Variants in GLT8D1 observed in about 807,000 individuals in gnomAD.
GLT8D1 encodes glycosyltransferase 8 domain containing 1, also known as glycosyltransferase 8 domain-containing protein 1.
Under a neutral mutation model 46.2 loss-of-function variants are expected in GLT8D1, and 41 were observed. The observed-to-expected ratio is 0.89, with a 90% CI of 0.69 to 1.15. The LOEUF (loss-of-function observed/expected upper bound fraction) is 1.15. Among genes scored for constraint, GLT8D1 ranks in the 50% most tolerant of loss-of-function variants. The probability of loss-of-function intolerance (pLI) is 0.00; values close to 1 mark genes in which losing one functional copy is unlikely to be tolerated. For missense variants in GLT8D1, 408 were observed against 449.3 expected (o/e 0.91, Z 0.83); for synonymous variants, 150 against 154.2 (o/e 0.97, Z 0.20).
chr3:52,695,076 T>A, intron 9 of GLT8D1, 41 bp from the exon 10 acceptor site: 1 of 1,519,248 alleles, frequency 6.6e-7, no homozygotes, highest in Non-Finnish European at 9.1e-7. Context: ...TTGCGCCATG[T>A]GAAATTGTGC....
rs752960481 is a variant in GLT8D1, at chr3:52,697,832, G to C, written c.218C>G (p.Ser73Cys). The C allele has an allele frequency of 3.1e-6, 5 of 1,613,342 alleles. No homozygotes were observed. Among genetic ancestry groups the C allele is most frequent in the Non-Finnish European group, 3.4e-6 (4 of 1,179,246 alleles). The change falls in exon 4 of 10, where the codon TCT becomes TGT. Residue 73 changes from serine to cysteine, a missense_variant. Ser to Cys is a moderately radical substitution (Grantham distance 112). Coordinates refer to ENST00000266014, the MANE Select transcript of GLT8D1 (RefSeq NM_018446.4). ...AATGGCCCCCCCAAGCCTGTCTTCA[G>C]ATGCAGCGATGACCACAGGAATCTC... The part of the protein sequence containing the change: ...QEEIPVVIAA[S>C]EDRLGGAIAA...
intron 9 of GLT8D1, 48 bp downstream of exon 9, chr3:52,695,142 T>G: frequency 6.8e-7 from 1 of 1,478,452 alleles, no homozygotes; most frequent in Non-Finnish European, 9.4e-7. Flanking sequence ...GATAGTTCTT[T>G]AGATACCAAT....
intron 1 of GLT8D1, chr3:52,703,862 G>C (rs1322643524): frequency 1.3e-5 from 2 of 152,286 alleles, no homozygotes; most frequent in African/African-American, 4.8e-5. Context: ...GGCTATTCCT[G>C]GTAAGAGAGC....
intron 7 of GLT8D1, 125 bp from the exon 8 acceptor site, chr3:52,695,712 C>T (rs570211077): frequency 5.5e-5 from 37 of 672,066 alleles, no homozygotes; most frequent in Non-Finnish European, 1.0e-5. Context: ...TTTGAAATTC[C>T]AAGTTAGAAT....
chr3:52,700,905 C>G (rs1424590239), intron 1 of GLT8D1, among the ~76,000 whole-genome samples: 1 of 151,700 alleles, frequency 6.6e-6, no homozygotes, highest in African/African-American at 2.4e-5. Context: ...CTACTAAAAA[C>G]TGCAAAAAAA....
intron 7 of GLT8D1, 25 bp downstream of exon 7, chr3:52,695,903 G>A: frequency 7.8e-7 from 1 of 1,277,034 alleles, no homozygotes; most frequent in Non-Finnish European, 1.1e-6. Context: ...ATTGTAGGAA[G>A]AGGGGTGTTT....
intron 4 of GLT8D1, among the ~76,000 whole-genome samples, chr3:52,696,887 A>G (rs1279614650): frequency 2.1e-5 from 1 of 47,740 alleles, no homozygotes; most frequent in African/African-American, 1.0e-4. Flanking sequence ...GAAAAACTAT[A>G]GAATTAAGAA....
intron 3 of GLT8D1, 137 bp downstream of exon 3, chr3:52,700,125 A>C (rs1379299165): frequency 1.7e-6 from 1 of 601,152 alleles, no homozygotes; most frequent in Non-Finnish European, 2.9e-6. Context: ...ATTTGGTGAA[A>C]AGGAATATTC....
At chr3:52,697,086 T>G (rs2097334477) in intron 4 of GLT8D1, among the ~76,000 whole-genome samples, 1 of 152,234 alleles carries the variant, frequency 6.6e-6, no homozygotes. Context: ...TTTATACAGC[T>G]TCTGTTTCTG....
At position 52,696,305 on chromosome 3, in the gene GLT8D1, C is replaced by T; in HGVS notation, c.461G>A (p.Arg154Lys). 1 of 1,608,274 alleles carries T rather than the reference C, an allele frequency of 6.2e-7. No individual in the cohort carries two copies. Among genetic ancestry groups the T allele is most frequent in the Non-Finnish European group, 8.5e-7 (1 of 1,174,686 alleles). Reference sequence around the variant, plus strand: ...GGGAACCAGAATTGGCAAGTAGAACCTTGCAAAGGTTAACTGGAAAAGGAA... The same window carrying T: ...GGGAACCAGAATTGGCAAGTAGAACTTTGCAAAGGTTAACTGGAAAAGGAA... ...GESMKPLTFA[R>K]FYLPILVPSA... Residue 154 changes from arginine to lysine, a missense_variant, in exon 6 of 10, where the codon AGG becomes AAG. Coordinates refer to ENST00000266014, the MANE Select transcript of GLT8D1 (RefSeq NM_018446.4).
Position 52,697,853 on chromosome 3 carries a change from A to G in GLT8D1, c.197T>C (p.Ile66Thr). The stretch of plus-strand genomic sequence containing the variant: ...TTCAGATGCAGCGATGACCACAGGA[A>G]TCTCCTCTTGTCTCCCATCTACTGC... ...RHAVDGRQEE[I>T]PVVIAASEDR... Residue 66 changes from isoleucine to threonine, a missense_variant, in exon 4 of 10, where the codon ATT becomes ACT. Ile to Thr is a moderately conservative substitution (Grantham distance 89). Coordinates refer to ENST00000266014, the MANE Select transcript of GLT8D1 (RefSeq NM_018446.4). 6.2e-7 allele frequency: 1 copy of G among 1,613,754 alleles called. No individual in the cohort carries two copies. Among genetic ancestry groups the G allele is most frequent in the South Asian group, 1.1e-5 (1 of 91,066 alleles).
chr3:52,701,122 A>G (rs2097339000), intron 1 of GLT8D1: 1 of 152,232 alleles, frequency 6.6e-6, no homozygotes, highest in Admixed American at 6.5e-5. Flanking sequence ...TAAAGTAGAC[A>G]TGGATTCACG....
chr3:52,702,439 G>T (rs1203082425), intron 1 of GLT8D1, among the ~76,000 whole-genome samples: 5 of 152,116 alleles, frequency 3.3e-5, no homozygotes, highest in Non-Finnish European at 7.4e-5. Flanking sequence ...CCAAGCATTT[G>T]GGAGGCTAAG....
chr3:52,698,288 AAATC>A (rs1328033393), intron 3 of GLT8D1, among the ~76,000 whole-genome samples: 1 of 152,244 alleles, frequency 6.6e-6, no homozygotes, highest in Non-Finnish European at 1.5e-5. Flanking sequence ...GCAGCAAACT[AAATC>A]AATGTTTTTC....
chr3:52,695,149 C>A, intron 9 of GLT8D1, 41 bp downstream of exon 9: 1 of 1,495,926 alleles, frequency 6.7e-7, no homozygotes, highest in Non-Finnish European at 9.3e-7. Context: ...CTTTAGATAC[C>A]AATTCTTTAC....
chr3:52,694,730 A>ATCT lies in GLT8D1; in HGVS notation c.*112_*114dup. ...TTTGTCATCTTTACCTAGCTGACACATCTTTTTCCATGGCTTGCTACCGAT... is the reference window on the plus strand; with the variant it reads ...TTTGTCATCTTTACCTAGCTGACACATCTTCTTTTTCCATGGCTTGCTACCGAT... On this transcript the variant is annotated 3_prime_UTR_variant, in exon 10 of 10. Coordinates refer to ENST00000266014, the MANE Select transcript of GLT8D1 (RefSeq NM_018446.4). 1 of 764,318 alleles carries ATCT rather than the reference A, an allele frequency of 1.3e-6. No homozygotes were observed. Among genetic ancestry groups the ATCT allele is most frequent in the Non-Finnish European group, 2.3e-6 (1 of 432,090 alleles). The allele number at this position is 764,318 out of a possible 1,614,324, so 47.3% of individuals were successfully genotyped here.
At position 52,695,438 on chromosome 3, in the gene GLT8D1, C is replaced by T. The variant is rs1303083387; in HGVS notation, c.795G>A (p.Trp265Ter). Reference protein sequence around the residue: ...RQNITNQLEKWMKLNVEEGLY... With the variant: ...RQNITNQLEK Reference sequence around the variant, plus strand: ...ATACTTACTCTACATTGAGTTTCATCCATTTTTCCAGTTGGTTAGTTATAT... The same window carrying T: ...ATACTTACTCTACATTGAGTTTCATTCATTTTTCCAGTTGGTTAGTTATAT... Residue 265 changes from tryptophan to a stop codon, truncating the protein, a stop_gained, in exon 8 of 10, where the codon TGG becomes TGA. Transcript: ENST00000266014. LOFTEE classifies it high-confidence loss of function. The T allele has an allele frequency of 6.2e-7, 1 of 1,613,680 alleles. No individual in the cohort carries two copies. Among genetic ancestry groups the T allele is most frequent in the South Asian group, 1.1e-5 (1 of 91,008 alleles).
rs573138154 is a variant in GLT8D1, at chr3:52,700,960, G to A, written c.-36-464C>T. ...GGGGCCTGTAATCCCAGCTGCTCAG[G>A]AGGCTGAGGCAGGAGAATCGCTTGA... On this transcript the variant is annotated intron_variant, in intron 1 of 9. Coordinates refer to ENST00000266014, the MANE Select transcript of GLT8D1 (RefSeq NM_018446.4). 6.6e-5 allele frequency among the ~76,000 whole-genome samples: 10 copies of A among 152,244 alleles called. No homozygotes were observed. In the South Asian group the frequency reaches 1.2e-3, roughly 19 times the overall value.
At position 52,695,052 on chromosome 3, in the gene GLT8D1, A is replaced by C. The variant is rs1490586844; in HGVS notation, c.926-17T>G. 6.3e-7 allele frequency: 1 copy of C among 1,582,226 alleles called. No homozygotes were observed. The highest frequency in any genetic ancestry group is 8.7e-7 in the Non-Finnish European group (1 of 1,150,988). On this transcript the variant is annotated splice_polypyrimidine_tract_variant and intron_variant, in intron 9 of 9. Transcript: ENST00000266014. ...CACTGGAACCTTACATTTGAGACAAAAATAGCCACATCGTTGCGCCATGTG... is the reference window on the plus strand; with the variant it reads ...CACTGGAACCTTACATTTGAGACAACAATAGCCACATCGTTGCGCCATGTG...
Sources: gnomAD v4.1 joint callset for allele counts (sites outside exome capture counted in the v4.1 genomes callset) on GRCh38, gnomAD v4.1.1 for gene constraint, MANE v1.5 for transcripts, NCBI Gene and HGNC (gene_info 2026-07-23, HGNC 2026-07-21) for gene names.